Variants in CELSR1 observed in about 807,000 individuals in gnomAD.
CELSR1 encodes adhesion G protein-coupled receptor C1.
In CELSR1, 110 loss-of-function variants were observed where a neutral mutation model predicts 249.1. The ratio of observed to expected loss-of-function variants is 0.44; its 90% CI spans 0.38 to 0.52. The LOEUF (loss-of-function observed/expected upper bound fraction) is 0.52, where lower values mean the gene tolerates loss of function less well. Among genes scored for constraint, CELSR1 ranks in the 20% least tolerant of loss-of-function variants. The pLI is 0.00. For missense variants in CELSR1, 4,109 were observed against 4,296.4 expected (o/e 0.96, Z 1.22); for synonymous variants, 2,113 against 1,900.0 (o/e 1.11, Z -2.92).
rs2079173570 is a variant in CELSR1, at chr22:46,398,329, G to A, written c.5526+195C>T. 6.6e-6 allele frequency among the ~76,000 whole-genome samples: 1 copy of A among 152,174 alleles called. No individual in the cohort carries two copies. The highest frequency in any genetic ancestry group is 1.5e-5 in the Non-Finnish European group (1 of 68,006). ...AGCTGTGGGGGCCAGGGACGGCCCG[G>A]ATGCCAAGGGGAACCGCAGGGGAGA... On this transcript the variant is annotated intron_variant, in intron 11 of 34. Coordinates refer to ENST00000674500, the MANE Select transcript of CELSR1 (RefSeq NM_001378328.1). The surrounding 1 kb of genome is among the most constrained non-coding windows in gnomAD (Gnocchi z 7.2).
chr22:46,450,664 T>G (rs2079873066), intron 2 of CELSR1, among the ~76,000 whole-genome samples: 1 of 152,198 alleles, frequency 6.6e-6, no homozygotes, highest in African/African-American at 2.4e-5. Context: ...TGCACCTCAC[T>G]GCCTTCCCTG....
At position 46,411,893 on chromosome 22, in the gene CELSR1, C is replaced by T. The variant is rs7286799; in HGVS notation, c.4612-134G>A. The T allele has an allele frequency of 0.014, 15,977 of 1,133,354 alleles. 886 individuals are homozygous for T. In the African/African-American group the frequency reaches 0.16, roughly 11 times the overall value. 70.2% of individuals were successfully genotyped at this position (1,133,354 alleles called of 1,614,324 possible). On this transcript the variant is annotated intron_variant, in intron 5 of 34. Transcript: ENST00000674500. This position sits in a 1 kb window ranked among gnomAD's most constrained non-coding sequence, Gnocchi z 4.2. Reference sequence around the variant, plus strand: ...ACGTAGACAAGGGATGAGGAGCCCCCGGCCTTTAGTTCCCCAAACTAGCTG... The same window carrying T: ...ACGTAGACAAGGGATGAGGAGCCCCTGGCCTTTAGTTCCCCAAACTAGCTG...
Position 46,363,278 on chromosome 22 carries a change from G to A in CELSR1, c.9036-31C>T. 6.3e-7 allele frequency: 1 copy of A among 1,596,824 alleles called. No homozygotes were observed. The highest frequency in any genetic ancestry group is 8.6e-7 in the Non-Finnish European group (1 of 1,165,994). On this transcript the variant is annotated intron_variant, in intron 34 of 34. Coordinates refer to ENST00000674500, the MANE Select transcript of CELSR1 (RefSeq NM_001378328.1). This position sits in a 1 kb window ranked among gnomAD's most constrained non-coding sequence, Gnocchi z 4.3. ...CGTGGGAAGAAGCCAGCAAGCAGGT[G>A]AAGGGTCAGTGAGGGTAGCGGCTTG...
intron 1 of CELSR1, among the ~76,000 whole-genome samples, chr22:46,531,769 G>A (rs1324174649): frequency 1.3e-5 from 2 of 152,166 alleles, no homozygotes; most frequent in Non-Finnish European, 2.9e-5. Flanking sequence ...ACACATGAGA[G>A]CGCAAATAAA....
chr22:46,383,116 G>A (rs1471236793), intron 20 of CELSR1, among the ~76,000 whole-genome samples: 1 of 152,196 alleles, frequency 6.6e-6, no homozygotes, highest in Non-Finnish European at 1.5e-5. Context: ...TTGGTAATGA[G>A]CGAGTTCTCA....
chr22:46,537,263 C>T lies in CELSR1; in HGVS notation c.-93G>A. 1.0e-6 allele frequency: 1 copy of T among 1,001,408 alleles called. No individual in the cohort carries two copies. Among genetic ancestry groups the T allele is most frequent in the Non-Finnish European group, 1.2e-6 (1 of 841,444 alleles). 62.0% of individuals were successfully genotyped at this position (1,001,408 alleles called of 1,614,324 possible). ...ACCCGGCGAGGCCGGGGAGCGGCTC[C>T]CGGGCGCCCGGCCCTCGGGGCGGTC... On this transcript the variant is annotated 5_prime_UTR_variant, in exon 1 of 35. Coordinates refer to ENST00000674500, the MANE Select transcript of CELSR1 (RefSeq NM_001378328.1). The surrounding 1 kb of genome is among the most constrained non-coding windows in gnomAD (Gnocchi z 5.8).
Position 46,398,143 on chromosome 22 carries a change from G to A in CELSR1, c.5527-295C>T, listed in dbSNP as rs1049695459. On this transcript the variant is annotated intron_variant, in intron 11 of 34. Coordinates refer to ENST00000674500, the MANE Select transcript of CELSR1 (RefSeq NM_001378328.1). This position sits in a 1 kb window ranked among gnomAD's most constrained non-coding sequence, Gnocchi z 7.2. ...GGGGCTGAGAGCTGAACGACTCAGA[G>A]CAGCTCCCTCGGCCGTAGCTGGAAC... 6.6e-6 allele frequency among the ~76,000 whole-genome samples: 1 copy of A among 152,096 alleles called. No individual in the cohort carries two copies. The highest frequency in any genetic ancestry group is 1.5e-5 in the Non-Finnish European group (1 of 68,000).
intron 1 of CELSR1, among the ~76,000 whole-genome samples, chr22:46,519,110 C>A (rs2080658954): frequency 6.6e-6 from 1 of 151,912 alleles, no homozygotes; most frequent in African/African-American, 2.4e-5. Context: ...AAACATGACA[C>A]TGGCCGGGGA....
At chr22:46,386,735 GTT>G in intron 18 of CELSR1, 150 bp from the exon 19 acceptor site, 1 of 596,666 alleles carries the variant, frequency 1.7e-6, no homozygotes, top group South Asian at 3.0e-5. Flanking sequence ...AATATTAGTT[GTT>G]TTTTGTTTTT....
chr22:46,394,124 A>G lies in CELSR1; in HGVS notation c.5964+18T>C. 1 of 1,611,456 alleles carries G rather than the reference A, an allele frequency of 6.2e-7. No homozygotes were observed. The highest frequency in any genetic ancestry group is 8.5e-7 in the Non-Finnish European group (1 of 1,178,446). On this transcript the variant is annotated intron_variant, in intron 14 of 34. Transcript: ENST00000674500. ...TGAGCAAACACAGCATGCAGGGATC[A>G]TGGGGGCGGGGCCTCACCTTGCATT...
chr22:46,386,517 C>T lies in CELSR1; in HGVS notation c.6624G>A (p.Arg2208=), dbSNP rs772994706. 6.3e-7 allele frequency: 1 copy of T among 1,597,886 alleles called. No individual in the cohort carries two copies. ...ATRAAWEQIQ[R]SEGGTAQLLR... ...GCAGCTGTGCCGTGCCGCCCTCGCT[C>T]CGCTGGATCTGCTCCCACGCCGCCC... The change falls in exon 19 of 35, where the codon CGG becomes CGA. Residue 2208 remains arginine, a synonymous_variant. Coordinates refer to ENST00000674500, the MANE Select transcript of CELSR1 (RefSeq NM_001378328.1).
chr22:46,460,444 T>C (rs1190283332), intron 2 of CELSR1, among the ~76,000 whole-genome samples: 1 of 151,998 alleles, frequency 6.6e-6, no homozygotes, highest in Non-Finnish European at 1.5e-5. Flanking sequence ...GGCAGATGGA[T>C]GGGGAGGAGA....
rs147770992 is a variant in CELSR1 at position 46,399,845 on chromosome 22, C to T, written c.5284G>A (p.Val1762Met). Reference protein sequence around the residue: ...VSHGPSDVESVMLSGLRVTDG... With the variant: ...VSHGPSDVESMMLSGLRVTDG... ...GTCACCCGCAACCCGGACAGCATCA[C>T]GGACTCCACATCGGAGGGGCCGTGG... Residue 1762 changes from valine (V) to methionine (M), a missense_variant, in exon 10 of 35, where the codon GTG becomes ATG. This residue lies in a region of CELSR1 where 1,805 missense variants were observed against 1,831.6 expected (regional missense o/e 0.99). Coordinates refer to ENST00000674500, the MANE Select transcript of CELSR1 (RefSeq NM_001378328.1). The surrounding 1 kb of genome is among the most constrained non-coding windows in gnomAD (Gnocchi z 5.0). The T allele has an allele frequency of 1.9e-4, 314 of 1,614,024 alleles. No homozygotes were observed. Among genetic ancestry groups the T allele is most frequent in the Non-Finnish European group, 2.4e-4 (280 of 1,180,004 alleles).
At chr22:46,516,207 C>T (rs1284853670) in intron 1 of CELSR1, among the ~76,000 whole-genome samples, 1 of 152,136 alleles carries the variant, frequency 6.6e-6, no homozygotes, top group African/African-American at 2.4e-5. Flanking sequence ...GGAACCAACC[C>T]AAATGTCCAC....
At chr22:46,507,763 G>A (rs2080529658) in intron 1 of CELSR1, among the ~76,000 whole-genome samples, 1 of 152,210 alleles carries the variant, frequency 6.6e-6, no homozygotes, top group Admixed American at 6.5e-5. Flanking sequence ...GTTCAGTGGG[G>A]CAGGGGCCCC....
In CELSR1 at chr22:46,363,455, T is replaced by C. The variant is rs1038746879; in HGVS notation, c.9036-208A>G. ...CAGGACCAGCCTGTGGGCCTCTGTG[T>C]TGCTGGTCTTTCAGAAGAGCGCAAG... On this transcript the variant is annotated intron_variant, in intron 34 of 34. Transcript: ENST00000674500. This position sits in a 1 kb window ranked among gnomAD's most constrained non-coding sequence, Gnocchi z 4.3. 4.5e-5 allele frequency: 24 copies of C among 531,946 alleles called. No homozygotes were observed. Among genetic ancestry groups the C allele is most frequent in the African/African-American group, 4.0e-4 (21 of 52,412 alleles). 33.0% of individuals were successfully genotyped at this position (531,946 alleles called of 1,614,324 possible). A position where few individuals can be genotyped will look rare whatever the true frequency, so the allele number is the denominator to read the frequency against.
Position 46,380,823 on chromosome 22 carries a change from G to A in CELSR1, c.7221C>T (p.Thr2407=), listed in dbSNP as rs768850253. The A allele has an allele frequency of 4.4e-6, 7 of 1,602,210 alleles. No homozygotes were observed. Among genetic ancestry groups the A allele is most frequent in the Non-Finnish European group, 5.1e-6 (6 of 1,176,938 alleles). The change falls in exon 22 of 35, where the codon ACC becomes ACT. Residue 2407 remains threonine (T), a synonymous_variant. Transcript: ENST00000674500. The surrounding 1 kb of genome is among the most constrained non-coding windows in gnomAD (Gnocchi z 5.1). ...GGTTCCAGAACACGCAGACAGGCTT[G>A]GTTCGCTCCTCCACCTCCAGCAGGG... ...EFALLEVEER[T]KPVCVFWNHS... is the part of the protein sequence containing the mutation.
Position 46,410,364 on chromosome 22 carries a change from G to A in CELSR1, c.4933+34C>T. 1.9e-6 allele frequency: 3 copies of A among 1,595,850 alleles called. No individual in the cohort carries two copies. Among genetic ancestry groups the A allele is most frequent in the Non-Finnish European group, 2.6e-6 (3 of 1,166,934 alleles). On this transcript the variant is annotated intron_variant, in intron 7 of 34. Coordinates refer to ENST00000674500, the MANE Select transcript of CELSR1 (RefSeq NM_001378328.1). This position sits in a 1 kb window ranked among gnomAD's most constrained non-coding sequence, Gnocchi z 6.8. ...TGCCGACGTCCAGCCAGATGCCACT[G>A]CGGCAGCTCCGACGCCCTGACGGCC...
chr22:46,409,227 A>G lies in CELSR1; in HGVS notation c.5060-65T>C. 6.4e-7 allele frequency: 1 copy of G among 1,567,354 alleles called. No individual in the cohort carries two copies. The highest frequency in any genetic ancestry group is 1.8e-5 in the Admixed American group (1 of 56,400). On this transcript the variant is annotated intron_variant, in intron 8 of 34. Transcript: ENST00000674500. The surrounding 1 kb of genome is among the most constrained non-coding windows in gnomAD (Gnocchi z 9.8). The stretch of plus-strand genomic sequence containing the variant: ...ATCACACGGCCGCGGACTTGGCTGC[A>G]GGGGCGGGGGATGGGCCTGCAGGCT...
Sources: allele counts gnomAD v4.1 joint callset (sites outside exome capture counted in the v4.1 genomes callset), GRCh38; gene constraint gnomAD v4.1.1; regional missense constraint gnomAD v4.1.1; non-coding constraint Gnocchi (gnomAD v3.1); transcripts MANE v1.5; gene names NCBI Gene and HGNC (gene_info 2026-07-23, HGNC 2026-07-21).